MAGI2: variants seen among roughly 807,000 people sequenced by gnomAD.
MAGI2 encodes the protein membrane-associated guanylate kinase, WW and PDZ domain-containing protein 2.
MAGI2 carries 35 observed loss-of-function variants against 133.3 expected under a neutral mutation model. That is an observed-to-expected ratio of 0.26 (90% confidence interval 0.20 to 0.35). The LOEUF (loss-of-function observed/expected upper bound fraction) is 0.35. Among genes scored for constraint, MAGI2 ranks in the 10% least tolerant of loss-of-function variants. The pLI is 1.00. For synonymous variants in MAGI2, 729 were observed against 710.6 expected, an observed-to-expected ratio of 1.03 and a Z score of -0.41; for missense variants, 1,636 against 1,863.4, an observed-to-expected ratio of 0.88 and a Z score of 2.25.
At chr7:78,845,156 C>T (rs1333666427) in intron 2 of MAGI2, among the ~76,000 whole-genome samples, 7 of 151,868 alleles carry the variant, frequency 4.6e-5, no homozygotes, top group Non-Finnish European at 1.0e-4. Flanking sequence ...GGAGCATCAC[C>T]TTCCATTTTC....
chr7:79,215,124 GC>G (rs1467594331), intron 1 of MAGI2, among the ~76,000 whole-genome samples: 1 of 151,786 alleles, frequency 6.6e-6, no homozygotes, highest in East Asian at 1.9e-4. Context: ...CATCAGATAT[GC>G]CTCATTATAC....
chr7:78,816,419 A>G (rs1789594366), intron 2 of MAGI2, among the ~76,000 whole-genome samples: 1 of 152,240 alleles, frequency 6.6e-6, no homozygotes, highest in Non-Finnish European at 1.5e-5. Flanking sequence ...ACAGATTTAT[A>G]AAGTAGATGA....
chr7:78,845,931 G>A (rs1181393728), intron 2 of MAGI2, among the ~76,000 whole-genome samples: 1 of 151,888 alleles, frequency 6.6e-6, no homozygotes, highest in East Asian at 1.9e-4. Flanking sequence ...GGAAAGATAT[G>A]GAAAGGCAAC....
At chr7:78,508,698 T>A (rs1389932259) in intron 4 of MAGI2, among the ~76,000 whole-genome samples, 1 of 152,128 alleles carries the variant, frequency 6.6e-6, no homozygotes, top group Non-Finnish European at 1.5e-5. Flanking sequence ...ATATCAGATC[T>A]GTGGTTTGAG....
chr7:78,111,533 G>C (rs1455524866), intron 20 of MAGI2, among the ~76,000 whole-genome samples: 1 of 152,190 alleles, frequency 6.6e-6, no homozygotes, highest in Admixed American at 6.5e-5. Flanking sequence ...GTGAGGTAAT[G>C]AGCCCCTGAA....
At chr7:79,129,273 T>C (rs1456742303) in intron 1 of MAGI2, among the ~76,000 whole-genome samples, 1 of 152,214 alleles carries the variant, frequency 6.6e-6, no homozygotes, top group East Asian at 1.9e-4. Flanking sequence ...ATGTAATTTA[T>C]TGACTAATGT....
intron 7 of MAGI2, among the ~76,000 whole-genome samples, chr7:78,361,771 A>G (rs1000253506): frequency 3.3e-5 from 5 of 152,198 alleles, no homozygotes; most frequent in African/African-American, 4.8e-5. Flanking sequence ...GTATTTAATT[A>G]CAGAGTCAAG....
intron 9 of MAGI2, among the ~76,000 whole-genome samples, chr7:78,327,711 G>C (rs1190385496): frequency 1.3e-5 from 2 of 152,180 alleles, no homozygotes; most frequent in Admixed American, 1.3e-4. Context: ...CTGAATAAAT[G>C]AATGAGCAAG....
intron 6 of MAGI2, among the ~76,000 whole-genome samples, chr7:78,449,990 G>T (rs1861383): frequency 0.47 from 70,915 of 151,498 alleles, 18,506 homozygotes; most frequent in Non-Finnish European, 0.59. Context: ...CATAAATGGA[G>T]CTTCATATTT....
rs185743439 is a variant in MAGI2, at chr7:78,521,915, T to C, written c.539-270A>G. Among the ~76,000 whole-genome samples, 26 of 152,322 alleles carry C rather than the reference T, an allele frequency of 1.7e-4. No individual in the cohort carries two copies. In the East Asian group the frequency reaches 5.0e-3, roughly 29 times the overall value. On this transcript the variant is annotated intron_variant, in intron 3 of 21. Coordinates refer to ENST00000354212, the MANE Select transcript of MAGI2 (RefSeq NM_012301.4). The stretch of plus-strand genomic sequence containing the variant: ...TGTGCCAAACCAAAATATAGTCTTA[T>C]GTATTATTCCCAAGCGGTACATAGT...
intron 1 of MAGI2, among the ~76,000 whole-genome samples, chr7:79,267,157 C>CT: frequency 6.6e-6 from 1 of 152,286 alleles, no homozygotes. Flanking sequence ...AGAACCCTTG[C>CT]TTGTCAGCCA....
At chr7:79,131,549 T>C (rs922591924) in intron 1 of MAGI2, among the ~76,000 whole-genome samples, 3 of 152,196 alleles carry the variant, frequency 2.0e-5, no homozygotes, top group Non-Finnish European at 4.4e-5. Flanking sequence ...GTTACCTGCA[T>C]TTTACAGATG....
At chr7:78,294,564 G>A (rs1466254296) in intron 9 of MAGI2, among the ~76,000 whole-genome samples, 4 of 152,096 alleles carry the variant, frequency 2.6e-5, no homozygotes, top group Admixed American at 2.6e-4. Context: ...AAAGTTTTCT[G>A]CCTAAGGCAG....
intron 6 of MAGI2, among the ~76,000 whole-genome samples, chr7:78,429,366 CT>C (rs1799577787): frequency 6.6e-6 from 1 of 150,574 alleles, no homozygotes; most frequent in Non-Finnish European, 1.5e-5. Flanking sequence ...AGATGGCCTC[CT>C]GGGGTCAGAG....
intron 2 of MAGI2, among the ~76,000 whole-genome samples, chr7:78,739,725 A>T (rs1027014851): frequency 6.6e-6 from 1 of 152,170 alleles, no homozygotes; most frequent in African/African-American, 2.4e-5. Context: ...TTAGTTCTCT[A>T]CGTAGGCGCA....
At chr7:78,481,787 A>G (rs1792406981) in intron 6 of MAGI2, among the ~76,000 whole-genome samples, 1 of 151,952 alleles carries the variant, frequency 6.6e-6, no homozygotes, top group Non-Finnish European at 1.5e-5. Context: ...AGACTTAAAC[A>G]TAAAAAATAA....
Position 78,368,951 on chromosome 7 carries a change from T to C in MAGI2, c.1103+205A>G, listed in dbSNP as rs117170081. On this transcript the variant is annotated intron_variant, in intron 7 of 21. Coordinates refer to ENST00000354212, the MANE Select transcript of MAGI2 (RefSeq NM_012301.4). ...CACTTTTTCAATTGGTGTTTTAGAATCGTTGAGTCAAAGGAAAGGAATGAC... is the reference window on the plus strand; with the variant it reads ...CACTTTTTCAATTGGTGTTTTAGAACCGTTGAGTCAAAGGAAAGGAATGAC... 0.041 allele frequency among the ~76,000 whole-genome samples: 6,177 copies of C among 152,102 alleles called. 204 individuals carry two copies. The highest frequency in any genetic ancestry group is 0.058 in the Middle Eastern group (17 of 294).
chr7:78,768,822 C>G (rs1471122271), intron 2 of MAGI2, among the ~76,000 whole-genome samples: 2 of 152,200 alleles, frequency 1.3e-5, no homozygotes, highest in Admixed American at 6.5e-5. Flanking sequence ...GCTCCCCTCT[C>G]TAGTGGATAG....
intron 1 of MAGI2, among the ~76,000 whole-genome samples, chr7:79,330,285 C>T (rs1051928563): frequency 5.6e-5 from 8 of 142,786 alleles, no homozygotes; most frequent in African/African-American, 5.2e-5. Flanking sequence ...GCTCCGCCTT[C>T]CAGGTTCATG....
Sources: gnomAD v4.1 joint callset for allele counts (sites outside exome capture counted in the v4.1 genomes callset) on GRCh38, gnomAD v4.1.1 for gene constraint, MANE v1.5 for transcripts, NCBI Gene and HGNC (gene_info 2026-07-23, HGNC 2026-07-21) for gene names.